The following COL22A1 variants were observed in gnomAD, a reference collection of about 807,000 sequenced individuals.
The protein encoded by COL22A1 is collagen type XXII alpha 1 chain, also known as collagen alpha-1(XXII) chain.
In COL22A1, 221 loss-of-function variants were observed where a neutral mutation model predicts 248.9. The ratio of observed to expected loss-of-function variants is 0.89; its 90% CI spans 0.80 to 0.99. The LOEUF (loss-of-function observed/expected upper bound fraction) is 0.99, where lower values mean the gene tolerates loss of function less well. Among genes scored for constraint, COL22A1 ranks in the 50% least tolerant of loss-of-function variants. The probability of loss-of-function intolerance (pLI) is 0.00; values close to 1 mark genes in which losing one functional copy is unlikely to be tolerated. For synonymous variants in COL22A1, 891 were observed against 793.4 expected (o/e 1.12, Z -2.07); for missense variants, 2,240 against 2,179.0 (o/e 1.03, Z -0.56).
In COL22A1 at chr8:138,591,434, A is replaced by AG; in HGVS notation, c.4682dup (p.Gly1562TrpfsTer13). ...CAGAATGAGTCATACCTGGGATTCC[A>AG]GGGGGTCCCATCTCGCCTCGGAGGC... On this transcript the variant is annotated frameshift_variant, in exon 64 of 65. Transcript: ENST00000303045. LOFTEE classifies it high-confidence loss of function. The AG allele has an allele frequency of 6.3e-7, 1 of 1,579,820 alleles. No individual in the cohort carries two copies. The highest frequency in any genetic ancestry group is 8.6e-7 in the Non-Finnish European group (1 of 1,162,866).
intron 63 of COL22A1, among the ~76,000 whole-genome samples, chr8:138,592,295 T>G (rs1363078574): frequency 6.6e-6 from 1 of 152,250 alleles, no homozygotes. Context: ...CCCTTGTTTT[T>G]TAAATCAATC....
intron 58 of COL22A1, among the ~76,000 whole-genome samples, chr8:138,605,420 C>T (rs944875602): frequency 2.0e-4 from 30 of 152,270 alleles, no homozygotes; most frequent in African/African-American, 6.7e-4. Context: ...TGCTCAGTAG[C>T]AGCAGATTAT....
chr8:138,819,943 C>T (rs1201762986), intron 7 of COL22A1, among the ~76,000 whole-genome samples: 2 of 151,908 alleles, frequency 1.3e-5, no homozygotes, highest in Non-Finnish European at 2.9e-5. Flanking sequence ...TTACATTTTC[C>T]TCATAAGTAA....
chr8:138,759,829 A>T (rs1192436894), intron 18 of COL22A1, among the ~76,000 whole-genome samples: 1 of 152,176 alleles, frequency 6.6e-6, no homozygotes, highest in African/African-American at 2.4e-5. Flanking sequence ...AAAATTGCAA[A>T]ATGTAGTAGA....
At chr8:138,782,169 G>C (rs1190418628) in intron 12 of COL22A1, among the ~76,000 whole-genome samples, 1 of 152,186 alleles carries the variant, frequency 6.6e-6, no homozygotes, top group African/African-American at 2.4e-5. Context: ...AATGTCTCTG[G>C]CCATGGCATG....
intron 52 of COL22A1, among the ~76,000 whole-genome samples, chr8:138,620,941 GCATCCATC>G (rs754305152): frequency 0.08 from 10,126 of 126,684 alleles, 914 homozygotes; most frequent in African/African-American, 0.21. Flanking sequence ...AACCAACCAA[GCATCCATC>G]CATCCATCCA....
intron 55 of COL22A1, among the ~76,000 whole-genome samples, chr8:138,614,759 T>G (rs958478190): frequency 2.0e-5 from 3 of 152,156 alleles, no homozygotes; most frequent in African/African-American, 7.2e-5. Flanking sequence ...TTTAGGTGTA[T>G]GCACAGGGCT....
chr8:138,761,278 A>G (rs1833467287), intron 17 of COL22A1, among the ~76,000 whole-genome samples: 2 of 152,180 alleles, frequency 1.3e-5, no homozygotes, highest in Non-Finnish European at 2.9e-5. Context: ...CAGGCCTGGC[A>G]ACCAGGCACT....
intron 31 of COL22A1, 89 bp downstream of exon 31, chr8:138,703,217 A>T: frequency 8.2e-7 from 1 of 1,219,950 alleles, no homozygotes; most frequent in Non-Finnish European, 1.2e-6. Context: ...GGAGATATTT[A>T]AAACTAAGTA....
At chr8:138,660,296 T>A in intron 44 of COL22A1, 140 bp downstream of exon 44, 1 of 682,958 alleles carries the variant, frequency 1.5e-6, no homozygotes, top group Middle Eastern at 3.4e-4. Flanking sequence ...TCTCACAACA[T>A]CCCATATTAG....
At chr8:138,844,760 C>A (rs1027856818) in intron 3 of COL22A1, among the ~76,000 whole-genome samples, 1 of 151,960 alleles carries the variant, frequency 6.6e-6, no homozygotes, top group African/African-American at 2.4e-5. Flanking sequence ...ATCATCCTGG[C>A]TAACACGGTG....
At chr8:138,765,887 G>C (rs757701070) in intron 16 of COL22A1, among the ~76,000 whole-genome samples, 8 of 152,238 alleles carry the variant, frequency 5.3e-5, no homozygotes, top group African/African-American at 1.9e-4. Flanking sequence ...AGCCAAGACC[G>C]AGCAGACAGT....
chr8:138,852,798 GT>G (rs1241942288), intron 3 of COL22A1, among the ~76,000 whole-genome samples: 1 of 152,058 alleles, frequency 6.6e-6, no homozygotes, highest in East Asian at 1.9e-4. Flanking sequence ...TGGAGGGAGT[GT>G]TTCACGCAGC....
At chr8:138,891,422 G>T (rs970641243) in intron 1 of COL22A1, among the ~76,000 whole-genome samples, 1 of 152,202 alleles carries the variant, frequency 6.6e-6, no homozygotes, top group Non-Finnish European at 1.5e-5. Context: ...GATCTGAAGG[G>T]CGCCAAAGCC....
At chr8:138,636,002 G>A (rs572517961) in intron 48 of COL22A1, among the ~76,000 whole-genome samples, 45 of 152,260 alleles carry the variant, frequency 3.0e-4, no homozygotes, top group African/African-American at 1.0e-3. Flanking sequence ...GCCTGGCATG[G>A]AATTGGCTGA....
At chr8:138,698,893 A>G (rs1445414895) in intron 32 of COL22A1, among the ~76,000 whole-genome samples, 1 of 152,250 alleles carries the variant, frequency 6.6e-6, no homozygotes, top group Non-Finnish European at 1.5e-5. Context: ...GCAGAGTTAT[A>G]AATGTTTTAT....
At position 138,602,144 on chromosome 8, in the gene COL22A1, G is replaced by C; in HGVS notation, c.4156C>G (p.Pro1386Ala). The change falls in exon 60 of 65, where the codon CCT (proline) becomes GCT (alanine). Residue 1386 changes from proline to alanine, a missense_variant. By Grantham distance (27) the Pro-to-Ala change is conservative (BLOSUM62 -1). Transcript: ENST00000303045. ...TCTCCTTTGAATCCAGGCTCTCCAG[G>C]CTTCCCAGGGACCCCCTGCAAGGAG... ...VPGKEGVPGK[P>A]GEPGFKGERG... is the part of the protein sequence containing the mutation. 1 of 1,614,098 alleles carries C rather than the reference G, an allele frequency of 6.2e-7. No individual in the cohort carries two copies. Among genetic ancestry groups the C allele is most frequent in the Non-Finnish European group, 8.5e-7 (1 of 1,180,024 alleles).
intron 1 of COL22A1, among the ~76,000 whole-genome samples, chr8:138,885,362 T>C (rs1234758837): frequency 6.6e-6 from 1 of 152,028 alleles, no homozygotes; most frequent in African/African-American, 2.4e-5. Context: ...AAGGTCACAC[T>C]CCTGGAAGTG....
intron 1 of COL22A1, among the ~76,000 whole-genome samples, chr8:138,885,469 C>T (rs1322066594): frequency 6.6e-6 from 1 of 152,204 alleles, no homozygotes; most frequent in Non-Finnish European, 1.5e-5. Flanking sequence ...CTCTGCTGCA[C>T]CTGCAACCCC....
Sources: gnomAD v4.1 joint callset for allele counts (sites outside exome capture counted in the v4.1 genomes callset) on GRCh38, gnomAD v4.1.1 for gene constraint, MANE v1.5 for transcripts, NCBI Gene and HGNC (gene_info 2026-07-23, HGNC 2026-07-21) for gene names.